The following GRK5 variants were observed in gnomAD, a reference collection of about 807,000 sequenced individuals.
GRK5 encodes G protein-coupled receptor kinase 5.
Under a neutral mutation model 78.4 loss-of-function variants are expected in GRK5, and 40 were observed. The ratio of observed to expected loss-of-function variants is 0.51; its 90% CI spans 0.40 to 0.66. The LOEUF is 0.66. Ranked by LOEUF, GRK5 falls within the 30% of genes least tolerant of loss-of-function variation. GRK5 has a pLI of 0.00. For synonymous variants in GRK5, 289 were observed against 296.8 expected (o/e 0.97, Z 0.27); for missense variants, 598 against 759.9 (o/e 0.79, Z 2.50).
At chr10:119,330,078 G>A (rs949686644) in intron 2 of GRK5, among the ~76,000 whole-genome samples, 10 of 151,956 alleles carry the variant, frequency 6.6e-5, no homozygotes, top group African/African-American at 2.2e-4. Flanking sequence ...GGCCAGGCTG[G>A]TTTCAAACTC....
At chr10:119,272,314 C>T (rs144076215) in intron 1 of GRK5, among the ~76,000 whole-genome samples, 12 of 152,282 alleles carry the variant, frequency 7.9e-5, no homozygotes, top group African/African-American at 2.6e-4. Flanking sequence ...TGGTGGCTCA[C>T]GCCTGTAATC....
intron 1 of GRK5, among the ~76,000 whole-genome samples, chr10:119,270,892 T>G (rs181603588): frequency 1.6e-4 from 25 of 152,382 alleles, no homozygotes; most frequent in African/African-American, 5.0e-4. Context: ...CTCTGGAAAT[T>G]TCATCTGTGT....
At chr10:119,387,191 A>C (rs1851813690) in intron 3 of GRK5, among the ~76,000 whole-genome samples, 1 of 151,940 alleles carries the variant, frequency 6.6e-6, no homozygotes, top group African/African-American at 2.4e-5. Context: ...TTTAATAGAG[A>C]TGGGGTTTCG....
At chr10:119,279,391 G>C (rs1446118624) in intron 1 of GRK5, among the ~76,000 whole-genome samples, 1 of 152,172 alleles carries the variant, frequency 6.6e-6, no homozygotes. Context: ...TGAGTGCAGT[G>C]CTTATGATAG....
chr10:119,322,832 A>G (rs1010978716), intron 1 of GRK5, among the ~76,000 whole-genome samples: 2 of 152,222 alleles, frequency 1.3e-5, no homozygotes, highest in Non-Finnish European at 2.9e-5. Context: ...GAAAGCAGGG[A>G]CTTGAACAGA....
chr10:119,311,954 C>T (rs1446979765), intron 1 of GRK5, among the ~76,000 whole-genome samples: 41 of 133,714 alleles, frequency 3.1e-4, no homozygotes, highest in Non-Finnish European at 4.9e-4. Context: ...CTCACTCTGT[C>T]GCCCAGGCTG....
Position 119,267,860 on chromosome 10 carries a change from A to AC in GRK5, c.53-58650dup, listed in dbSNP as rs1849526737. Among the ~76,000 whole-genome samples, 1 of 151,230 alleles carries AC rather than the reference A, an allele frequency of 6.6e-6. No homozygotes were observed. On this transcript the variant is annotated intron_variant, in intron 1 of 15. Coordinates refer to ENST00000392870, the MANE Select transcript of GRK5 (RefSeq NM_005308.3). This position sits in a 1 kb window ranked among gnomAD's most constrained non-coding sequence, Gnocchi z 4.1. ...CCACCCCAGCTCCTCCACACTCCCC[A>AC]CCCCCCACAGCCCAGCCAGGTCCAA...
At chr10:119,278,830 A>G (rs1235236875) in intron 1 of GRK5, among the ~76,000 whole-genome samples, 1 of 152,036 alleles carries the variant, frequency 6.6e-6, no homozygotes, top group Non-Finnish European at 1.5e-5. Context: ...CTGAGCCCAC[A>G]TGGTCCTTCC....
intron 1 of GRK5, among the ~76,000 whole-genome samples, chr10:119,256,671 G>A (rs192606482): frequency 1.2e-3 from 176 of 149,722 alleles, no homozygotes; most frequent in African/African-American, 4.1e-3. Context: ...CTCTGAGGTC[G>A]TGACTGTGTC....
At chr10:119,374,603 A>G (rs929813609) in intron 2 of GRK5, among the ~76,000 whole-genome samples, 2 of 152,166 alleles carry the variant, frequency 1.3e-5, no homozygotes, top group Non-Finnish European at 2.9e-5. Context: ...TGTGTTGCTT[A>G]TTGTATGTGC....
intron 1 of GRK5, among the ~76,000 whole-genome samples, chr10:119,314,511 C>G (rs1850449917): frequency 6.6e-6 from 1 of 152,222 alleles, no homozygotes; most frequent in Non-Finnish European, 1.5e-5. Flanking sequence ...CCACTTCCCT[C>G]TCTTGCCTGC....
intron 3 of GRK5, among the ~76,000 whole-genome samples, chr10:119,382,683 C>T (rs1589776088): frequency 6.6e-6 from 1 of 152,152 alleles, no homozygotes; most frequent in South Asian, 2.1e-4. Context: ...TCTTTCCTAT[C>T]ATCAAATGTT....
At chr10:119,327,451 T>C (rs1850698726) in intron 2 of GRK5, among the ~76,000 whole-genome samples, 1 of 152,038 alleles carries the variant, frequency 6.6e-6, no homozygotes. Flanking sequence ...TTGTCAGAGG[T>C]CATGGACGTG....
At chr10:119,361,970 A>C (rs1589764749) in intron 2 of GRK5, among the ~76,000 whole-genome samples, 2 of 526 alleles carry the variant, frequency 3.8e-3, no homozygotes, top group Non-Finnish European at 0.021. Context: ...CAAAAAAAAA[A>C]AAAAAAAAAA....
intron 2 of GRK5, among the ~76,000 whole-genome samples, chr10:119,369,962 A>G (rs1427383267): frequency 1.3e-5 from 2 of 151,794 alleles, no homozygotes; most frequent in African/African-American, 4.8e-5. Flanking sequence ...GGAGATATCT[A>G]AATTGTTTGC....
intron 2 of GRK5, among the ~76,000 whole-genome samples, chr10:119,372,600 A>T (rs528604323): frequency 6.6e-6 from 1 of 152,178 alleles, no homozygotes; most frequent in African/African-American, 2.4e-5. Flanking sequence ...TCCAGGGGTA[A>T]ATCTCATAGC....
At chr10:119,302,056 G>T (rs535924478) in intron 1 of GRK5, among the ~76,000 whole-genome samples, 1 of 152,198 alleles carries the variant, frequency 6.6e-6, no homozygotes, top group Non-Finnish European at 1.5e-5. Flanking sequence ...AGCATTCGTT[G>T]GCTTCCTGGA....
chr10:119,381,239 G>A (rs1851705254), intron 3 of GRK5, among the ~76,000 whole-genome samples: 1 of 152,218 alleles, frequency 6.6e-6, no homozygotes. Context: ...GGGGAAGTTA[G>A]GCCTAGCTCT....
At chr10:119,411,175 C>T (rs1164372879) in intron 4 of GRK5, among the ~76,000 whole-genome samples, 2 of 152,098 alleles carry the variant, frequency 1.3e-5, no homozygotes, top group African/African-American at 4.8e-5. Context: ...GTGGAAAACC[C>T]AGCTACCCTC....
Sources: gnomAD v4.1 joint callset for allele counts (sites outside exome capture counted in the v4.1 genomes callset) on GRCh38, gnomAD v4.1.1 for gene constraint, Gnocchi (gnomAD v3.1) non-coding constraint, MANE v1.5 for transcripts, NCBI Gene and HGNC (gene_info 2026-07-23, HGNC 2026-07-21) for gene names.